Variants in UBN2 observed in about 807,000 individuals in gnomAD.
UBN2 encodes ubinuclein 2.
UBN2 carries 35 observed loss-of-function variants against 120.2 expected under a neutral mutation model. The observed-to-expected ratio is 0.29, with a 90% CI of 0.22 to 0.39. The LOEUF is 0.39. Ranked by LOEUF, UBN2 falls within the 10% of genes least tolerant of loss-of-function variation. UBN2 has a pLI of 1.00. For missense variants in UBN2, 1,693 were observed against 1,663.2 expected (o/e 1.02, Z -0.31); for synonymous variants, 661 against 648.7 (o/e 1.02, Z -0.29).
chr7:139,259,222 A>G (rs1796855700), intron 4 of UBN2, 45 bp from the exon 5 acceptor site: 1 of 1,600,230 alleles, frequency 6.2e-7, no homozygotes, highest in African/African-American at 1.4e-5. Context: ...CAAAGAGTAA[A>G]GCATTGTTAC....
chr7:139,275,964 G>C, intron 11 of UBN2, 133 bp from the exon 12 acceptor site: 1 of 705,074 alleles, frequency 1.4e-6, no homozygotes, highest in Non-Finnish European at 2.4e-6. Context: ...TGAGTATACT[G>C]TACCATTATA....
At position 139,273,417 on chromosome 7, in the gene UBN2, TTTAA is replaced by T. The variant is rs1194055264; in HGVS notation, c.1829+11_1829+14del. On this transcript the variant is annotated splice_region_variant and intron_variant, in intron 10 of 17. Coordinates refer to ENST00000473989, the MANE Select transcript of UBN2 (RefSeq NM_173569.4). ...ACTGGGATGACACTATCAGGTAAGA[TTTAA>T]TTAGTTTTCACTTTTAATATATAAT... 10 of 1,535,366 alleles carry T rather than the reference TTTAA, an allele frequency of 6.5e-6. No individual in the cohort carries two copies. Among genetic ancestry groups the T allele is most frequent in the Non-Finnish European group, 8.8e-6 (10 of 1,133,990 alleles).
chr7:139,233,155 G>A (rs975416162), intron 1 of UBN2, among the ~76,000 whole-genome samples: 2 of 152,062 alleles, frequency 1.3e-5, no homozygotes, highest in Admixed American at 6.5e-5. Flanking sequence ...CTAATGTTTT[G>A]ATCATTATTT....
chr7:139,254,168 C>T (rs1796696280), intron 3 of UBN2, among the ~76,000 whole-genome samples: 2 of 152,126 alleles, frequency 1.3e-5, no homozygotes. Flanking sequence ...TGGCGGGCGC[C>T]TGTAGTCCCA....
chr7:139,329,185 G>T, the UBN2 span, among the ~76,000 whole-genome samples: 3 of 142,360 alleles, frequency 2.1e-5, no homozygotes, highest in African/African-American at 8.5e-5. Flanking sequence ...GTGAGCAAAA[G>T]ATTTTTTTTT....
chr7:139,236,904 G>T (rs921003669), intron 1 of UBN2, 101 bp from the exon 2 acceptor site: 1 of 589,750 alleles, frequency 1.7e-6, no homozygotes, highest in East Asian at 3.3e-5. Context: ...TATTGAAATA[G>T]AATTGAAGTG....
intron 16 of UBN2, 70 bp from the exon 17 acceptor site, chr7:139,293,819 T>G (rs2131066249): frequency 2.8e-6 from 4 of 1,439,302 alleles, no homozygotes; most frequent in Non-Finnish European, 3.9e-6. Flanking sequence ...CATAAATCAG[T>G]TTTCATTTTT....
intron 15 of UBN2, among the ~76,000 whole-genome samples, chr7:139,287,135 A>T (rs1797814818): frequency 6.6e-6 from 1 of 152,184 alleles, no homozygotes; most frequent in African/African-American, 2.4e-5. Flanking sequence ...GATTGGAGTT[A>T]GTCTGCATTA....
At chr7:139,246,871 A>G (rs937339999) in intron 2 of UBN2, among the ~76,000 whole-genome samples, 2 of 152,002 alleles carry the variant, frequency 1.3e-5, no homozygotes, top group African/African-American at 2.4e-5. Context: ...AAATTCCTCC[A>G]TGTATTGCCT....
chr7:139,237,029 C>T lies in UBN2; in HGVS notation c.493C>T (p.Pro165Ser). Reference protein sequence around the residue: ...QRKKLIHTEDPFNDEHQERQE... With the variant: ...QRKKLIHTEDSFNDEHQERQE... ...GAAGAAGCTCATTCACACAGAAGAC[C>T]CATTTAATGATGAACATCAGGAGAG... The change falls in exon 2 of 18, where the codon CCA (proline) becomes TCA (serine). Residue 165 changes from proline (P) to serine (S), a missense_variant. Pro to Ser is a moderately conservative substitution (Grantham distance 74). Around this residue, in one of 5 missense-constraint regions of UBN2, gnomAD observed 663 missense variants for 591.2 expected, o/e 1.12. Coordinates refer to ENST00000473989, the MANE Select transcript of UBN2 (RefSeq NM_173569.4). 1.2e-6 allele frequency: 2 copies of T among 1,610,572 alleles called. No homozygotes were observed. The highest frequency in any genetic ancestry group is 1.7e-6 in the Non-Finnish European group (2 of 1,177,948).
chr7:139,321,525 C>T, the UBN2 span, among the ~76,000 whole-genome samples: 9 of 152,286 alleles, frequency 5.9e-5, no homozygotes, highest in East Asian at 1.5e-3. Context: ...CCGTGGTTCT[C>T]TAGAAAGGGA....
chr7:139,236,413 G>A (rs1446372253), intron 1 of UBN2, among the ~76,000 whole-genome samples: 2 of 152,158 alleles, frequency 1.3e-5, no homozygotes, highest in South Asian at 2.1e-4. Context: ...AGCCTTAGCC[G>A]CTACACACAC....
intron 17 of UBN2, among the ~76,000 whole-genome samples, chr7:139,294,363 G>T (rs1185369762): frequency 1.3e-5 from 2 of 152,184 alleles, no homozygotes; most frequent in Non-Finnish European, 2.9e-5. Context: ...GCCCCTGAAT[G>T]ATAGATGACG....
In UBN2 at chr7:139,299,656, G is replaced by C. The variant is rs1259379555; in HGVS notation, c.*1820G>C. 3.9e-5 allele frequency: 6 copies of C among 152,252 alleles called. No individual in the cohort carries two copies. The South Asian group carries it at 6.2e-4, about 16-fold the overall frequency. 9.4% of individuals were successfully genotyped at this position (152,252 alleles called of 1,614,324 possible). A position where few individuals can be genotyped will look rare whatever the true frequency, so the allele number is the denominator to read the frequency against. The stretch of plus-strand genomic sequence containing the variant: ...TTTAGTTTATCAATAAAACAAATAT[G>C]GATGTAGTATGAACCCCAGTAGATA... On this transcript the variant is annotated 3_prime_UTR_variant, in exon 18 of 18. Transcript: ENST00000473989.
At chr7:139,288,301 T>C (rs1797847739) in intron 15 of UBN2, among the ~76,000 whole-genome samples, 1 of 152,186 alleles carries the variant, frequency 6.6e-6, no homozygotes, top group South Asian at 2.1e-4. Context: ...TGATTGCTGC[T>C]AACGTAAAAA....
Position 139,283,646 on chromosome 7 carries a change from C to T in UBN2, c.2741C>T (p.Thr914Ile). 1 of 1,614,180 alleles carries T rather than the reference C, an allele frequency of 6.2e-7. No homozygotes were observed. Residue 914 changes from threonine to isoleucine, a missense_variant, in exon 15 of 18, where the codon ACA becomes ATA. Thr to Ile is a moderately conservative substitution (Grantham distance 89). Around this residue, in one of 5 missense-constraint regions of UBN2, gnomAD observed 837 missense variants for 817.6 expected, o/e 1.02. Transcript: ENST00000473989. ...QIAASSHALG[T>I]SEAQDASSLT... Reference sequence around the variant, plus strand: ...GCTGCCTCTTCTCATGCTCTGGGAACATCCGAGGCCCAAGATGCTTCTTCG... The same window carrying T: ...GCTGCCTCTTCTCATGCTCTGGGAATATCCGAGGCCCAAGATGCTTCTTCG...
chr7:139,259,804 A>G (rs575928052), intron 5 of UBN2, among the ~76,000 whole-genome samples: 15 of 152,344 alleles, frequency 9.8e-5, no homozygotes, highest in Admixed American at 3.9e-4. Context: ...GCTGAAGTGC[A>G]GTCCCACAAT....
chr7:139,233,034 C>A (rs1230761162), intron 1 of UBN2, among the ~76,000 whole-genome samples: 1 of 152,122 alleles, frequency 6.6e-6, no homozygotes, highest in Non-Finnish European at 1.5e-5. Flanking sequence ...CTCCAGAAGT[C>A]CCTTGTTTTG....
At chr7:139,235,877 G>T (rs1318809004) in intron 1 of UBN2, among the ~76,000 whole-genome samples, 1 of 152,146 alleles carries the variant, frequency 6.6e-6, no homozygotes, top group East Asian at 1.9e-4. Context: ...TTTCTATCAT[G>T]TTTTTTAGAC....
Sources: gnomAD v4.1 joint callset for allele counts (sites outside exome capture counted in the v4.1 genomes callset) on GRCh38, gnomAD v4.1.1 for gene constraint, gnomAD v4.1.1 regional missense constraint, MANE v1.5 for transcripts, NCBI Gene and HGNC (gene_info 2026-07-23, HGNC 2026-07-21) for gene names.